KCNIP1: variants seen among roughly 807,000 people sequenced by gnomAD.
KCNIP1 encodes the protein potassium voltage-gated channel interacting protein 1, also known as A-type potassium channel modulatory protein KCNIP1.
A neutral mutation model predicts 33.0 loss-of-function variants in KCNIP1; 18 were observed. The ratio of observed to expected loss-of-function variants is 0.55; its 90% CI spans 0.38 to 0.81. KCNIP1 has a LOEUF of 0.81. KCNIP1 is among the 30% of genes least tolerant of loss of function. The pLI, the probability that KCNIP1 is intolerant of heterozygous loss-of-function variation, is 0.00. For synonymous variants in KCNIP1, 93 were observed against 98.3 expected, an observed-to-expected ratio of 0.95 and a Z score of 0.32; for missense variants, 238 against 271.6, an observed-to-expected ratio of 0.88 and a Z score of 0.87.
At chr5:170,566,185 C>G (rs952376128) in intron 1 of KCNIP1, among the ~76,000 whole-genome samples, 1 of 152,232 alleles carries the variant, frequency 6.6e-6, no homozygotes, top group Admixed American at 6.5e-5. Context: ...CTCAGCCTCC[C>G]GAGTAGCTGG....
intron 1 of KCNIP1, among the ~76,000 whole-genome samples, chr5:170,386,490 A>G (rs979526338): frequency 3.9e-5 from 6 of 152,174 alleles, no homozygotes; most frequent in Non-Finnish European, 8.8e-5. Flanking sequence ...CCATGCGGTG[A>G]GCGAGCAGTA....
At chr5:170,577,538 ACCG>A (rs1757645746) in intron 1 of KCNIP1, among the ~76,000 whole-genome samples, 1 of 152,170 alleles carries the variant, frequency 6.6e-6, no homozygotes, top group Non-Finnish European at 1.5e-5. Flanking sequence ...TTTAATATGG[ACCG>A]TCTCACTTGT....
Position 170,487,813 on chromosome 5 carries a change from C to T in KCNIP1, c.88+133849C>T, listed in dbSNP as rs370395786. Among the ~76,000 whole-genome samples the T allele has an allele frequency of 7.2e-5, 11 of 152,162 alleles. No homozygotes were observed. In the South Asian group the frequency reaches 1.2e-3, roughly 17 times the overall value. The stretch of plus-strand genomic sequence containing the variant: ...GATTACAGGCATGAACCACTGCGCA[C>T]GGCCCAGTCACAGTACATTTTTCTT... On this transcript the variant is annotated intron_variant, in intron 1 of 7. Transcript: ENST00000377360.
At chr5:170,478,783 G>A (rs536266110) in intron 1 of KCNIP1, among the ~76,000 whole-genome samples, 5 of 152,174 alleles carry the variant, frequency 3.3e-5, no homozygotes, top group African/African-American at 4.8e-5. Context: ...ATTACAGTTC[G>A]GTAGGATGTT....
chr5:170,481,109 G>A (rs1756968625), intron 1 of KCNIP1, among the ~76,000 whole-genome samples: 1 of 152,104 alleles, frequency 6.6e-6, no homozygotes, highest in Non-Finnish European at 1.5e-5. Flanking sequence ...TGTTTTAATT[G>A]ATTATAGCCA....
At chr5:170,503,929 TCCCCCGCCCCCACCGTGCAGCCCTCG>T (rs1024923292), upstream of KCNIP1, 8 of 498,978 alleles carry the variant, frequency 1.6e-5, no homozygotes, top group African/African-American at 2.1e-5. Flanking sequence ...GGGCTGGGCG[TCCCCCGCCCCCACCGTGCAGCCCTCG>T]CCCCCGCCCC....
intron 1 of KCNIP1, among the ~76,000 whole-genome samples, chr5:170,594,113 A>T (rs967774755): frequency 5.3e-5 from 8 of 152,350 alleles, no homozygotes; most frequent in African/African-American, 1.9e-4. Context: ...GACTTTCCCT[A>T]GGAGACACAG....
chr5:170,469,533 A>G (rs1347803513), intron 1 of KCNIP1, among the ~76,000 whole-genome samples: 1 of 152,128 alleles, frequency 6.6e-6, no homozygotes, highest in Non-Finnish European at 1.5e-5. Flanking sequence ...GTTGTGCCCA[A>G]ACTTCTCTCA....
intron 1 of KCNIP1, among the ~76,000 whole-genome samples, chr5:170,686,321 A>G (rs1475165852): frequency 6.6e-6 from 1 of 152,124 alleles, no homozygotes; most frequent in Non-Finnish European, 1.5e-5. Context: ...CAGAAATAGC[A>G]GGGCAGAAAG....
chr5:170,497,268 C>A (rs1220692411), intron 1 of KCNIP1, among the ~76,000 whole-genome samples: 2 of 152,208 alleles, frequency 1.3e-5, no homozygotes, highest in Admixed American at 1.3e-4. Context: ...CCAGGTACCA[C>A]ACTAAAGCAC....
At chr5:170,434,897 G>A (rs547997743) in intron 1 of KCNIP1, among the ~76,000 whole-genome samples, 22 of 152,346 alleles carry the variant, frequency 1.4e-4, no homozygotes, top group Non-Finnish European at 2.6e-4. Flanking sequence ...GGAGGTTGCA[G>A]TGAGCCAAGG....
intron 1 of KCNIP1, among the ~76,000 whole-genome samples, chr5:170,516,698 G>A (rs1484239039): frequency 1.3e-5 from 2 of 152,352 alleles, no homozygotes; most frequent in East Asian, 1.9e-4. Context: ...TGTGTTGGGT[G>A]AAATAGAACT....
chr5:170,650,569 A>G (rs1285251380), intron 1 of KCNIP1, among the ~76,000 whole-genome samples: 1 of 152,236 alleles, frequency 6.6e-6, no homozygotes, highest in Non-Finnish European at 1.5e-5. Context: ...AGGCTTATTC[A>G]TTCATCTATT....
At chr5:170,721,805 T>A (rs777168989) in intron 3 of KCNIP1, 28 bp from the exon 4 acceptor site, 7 of 1,614,166 alleles carry the variant, frequency 4.3e-6, no homozygotes, top group South Asian at 1.1e-5. Context: ...CCTGCCCCCA[T>A]CACCTGCCCT....
At chr5:170,401,577 A>G (rs1754904567) in intron 1 of KCNIP1, among the ~76,000 whole-genome samples, 1 of 152,088 alleles carries the variant, frequency 6.6e-6, no homozygotes, top group Admixed American at 6.5e-5. Context: ...CAGCCTGGGC[A>G]ACATAGTGAG....
chr5:170,676,532 C>A (rs1464069596), intron 1 of KCNIP1, among the ~76,000 whole-genome samples: 1 of 152,128 alleles, frequency 6.6e-6, no homozygotes, highest in Non-Finnish European at 1.5e-5. Context: ...ACTTCAAGTG[C>A]AATTATTGGC....
chr5:170,464,111 T>C (rs1326338833), intron 1 of KCNIP1, among the ~76,000 whole-genome samples: 1 of 152,154 alleles, frequency 6.6e-6, no homozygotes, highest in Non-Finnish European at 1.5e-5. Flanking sequence ...TTATATATAC[T>C]CTAAACACGA....
chr5:170,572,980 T>C (rs1757474391), intron 1 of KCNIP1, among the ~76,000 whole-genome samples: 1 of 152,200 alleles, frequency 6.6e-6, no homozygotes, highest in African/African-American at 2.4e-5. Flanking sequence ...GGAAGGAGCC[T>C]TGGCAGTAAC....
At chr5:170,450,620 G>T (rs1313343479) in intron 1 of KCNIP1, among the ~76,000 whole-genome samples, 1 of 151,930 alleles carries the variant, frequency 6.6e-6, no homozygotes, top group Non-Finnish European at 1.5e-5. Context: ...CCTCATTCCT[G>T]CCCCTGTAAA....
Sources: gnomAD v4.1 joint callset for allele counts (sites outside exome capture counted in the v4.1 genomes callset) on GRCh38, gnomAD v4.1.1 for gene constraint, MANE v1.5 for transcripts, NCBI Gene and HGNC (gene_info 2026-07-23, HGNC 2026-07-21) for gene names.